The following CHD9 variants were observed in gnomAD, a reference collection of about 807,000 sequenced individuals.
CHD9 encodes the protein ATP-dependent chromatin remodeler CHD9.
In CHD9, 77 loss-of-function variants were observed where a neutral mutation model predicts 316.1. The ratio of observed to expected loss-of-function variants is 0.24; its 90% confidence interval spans 0.20 to 0.29. CHD9 has a LOEUF of 0.29. CHD9 is among the 10% of genes least tolerant of loss of function. The pLI is 1.00. For synonymous variants in CHD9, 1,129 were observed against 1,158.3 expected (o/e 0.97, Z 0.51); for missense variants, 2,763 against 3,438.1 (o/e 0.80, Z 4.91).
chr16:53,077,398 A>G (rs2034628279), intron 1 of CHD9, among the ~76,000 whole-genome samples: 1 of 151,254 alleles, frequency 6.6e-6, no homozygotes, highest in Non-Finnish European at 1.5e-5. Flanking sequence ...ATCTCGGCTC[A>G]CTGAAAGCTC....
intron 2 of CHD9, among the ~76,000 whole-genome samples, chr16:53,173,890 A>T (rs1206896623): frequency 6.6e-6 from 1 of 151,954 alleles, no homozygotes; most frequent in Non-Finnish European, 1.5e-5. Flanking sequence ...CATCATTAAG[A>T]TCTTTCTTCT....
chr16:53,056,680 C>T (rs1335034876), intron 1 of CHD9, among the ~76,000 whole-genome samples: 3 of 152,220 alleles, frequency 2.0e-5, no homozygotes, highest in Non-Finnish European at 4.4e-5. Flanking sequence ...GCTATCACTG[C>T]TGTGAGCTGA....
chr16:53,327,369 G>C lies in CHD9; in HGVS notation c.*2474G>C, dbSNP rs776935976. The C allele has an allele frequency of 6.6e-6, 1 of 152,426 alleles. No homozygotes were observed. The highest frequency in any genetic ancestry group is 1.5e-5 in the Non-Finnish European group (1 of 67,962). The allele number at this position is 152,426 out of a possible 1,614,324, so 9.4% of individuals were successfully genotyped here. A position where few individuals can be genotyped will look rare whatever the true frequency, so the allele number is the denominator to read the frequency against. On this transcript the variant is annotated 3_prime_UTR_variant, in exon 39 of 39. Coordinates refer to ENST00000447540, the MANE Select transcript of CHD9 (RefSeq NM_001308319.2). ...TTACCAGTTGTGTTTTGTGTAGTCT[G>C]AATTTGCTTTCTGTAGTTGAGCAAA...
chr16:53,156,731 A>T lies in CHD9; in HGVS notation c.642A>T (p.Pro214=). Residue 214 remains proline, a synonymous_variant, in exon 2 of 39, where the codon CCA becomes CCT. Coordinates refer to ENST00000447540, the MANE Select transcript of CHD9 (RefSeq NM_001308319.2). ...ATAGAGTCAATGTTAACCACCCACC[A>T]CAGATGACTAATGCATCTAATTCAC... is the stretch of plus-strand genomic sequence containing the variant. The part of the protein sequence containing the change: ...GPHRVNVNHP[P]QMTNASNSQQ... 2 of 1,613,864 alleles carry T rather than the reference A, an allele frequency of 1.2e-6. No homozygotes were observed. Among genetic ancestry groups the T allele is most frequent in the African/African-American group, 1.3e-5 (1 of 75,050 alleles).
intron 2 of CHD9, among the ~76,000 whole-genome samples, chr16:53,174,182 G>A (rs2042958826): frequency 6.6e-6 from 1 of 152,160 alleles, no homozygotes; most frequent in Non-Finnish European, 1.5e-5. Flanking sequence ...TCCTCAGGTG[G>A]CTGAGGTGAG....
intron 10 of CHD9, among the ~76,000 whole-genome samples, chr16:53,234,128 A>G (rs929783565): frequency 1.3e-5 from 2 of 152,154 alleles, no homozygotes; most frequent in African/African-American, 4.8e-5. Context: ...TTTGGATGCT[A>G]TTATAAAATG....
At chr16:53,192,860 T>C (rs1858283056) in intron 2 of CHD9, among the ~76,000 whole-genome samples, 2 of 152,334 alleles carry the variant, frequency 1.3e-5, no homozygotes, top group Admixed American at 1.3e-4. Flanking sequence ...CACAAATTGT[T>C]TATGTATTCA....
At chr16:53,058,911 T>C (rs1028813986) in intron 1 of CHD9, among the ~76,000 whole-genome samples, 2 of 152,188 alleles carry the variant, frequency 1.3e-5, no homozygotes, top group Admixed American at 6.5e-5. Flanking sequence ...CCATGCCTCC[T>C]GTAGTGGTAT....
At chr16:53,133,964 T>C (rs189559504) in intron 1 of CHD9, among the ~76,000 whole-genome samples, 1 of 152,214 alleles carries the variant, frequency 6.6e-6, no homozygotes, top group African/African-American at 2.4e-5. Context: ...CATCTATCAA[T>C]AGTAAAACAA....
intron 1 of CHD9, among the ~76,000 whole-genome samples, chr16:53,067,336 T>G (rs938699514): frequency 6.6e-6 from 1 of 152,244 alleles, no homozygotes; most frequent in African/African-American, 2.4e-5. Flanking sequence ...AACCTGATAT[T>G]GATACATTAT....
intron 1 of CHD9, among the ~76,000 whole-genome samples, chr16:53,103,842 A>G (rs958799265): frequency 4.6e-5 from 7 of 152,198 alleles, no homozygotes; most frequent in Non-Finnish European, 1.0e-4. Flanking sequence ...AAGGTGAGTA[A>G]GGCAGCTTTT....
chr16:53,172,971 G>A (rs999931471), intron 2 of CHD9, among the ~76,000 whole-genome samples: 5 of 151,920 alleles, frequency 3.3e-5, no homozygotes, highest in Non-Finnish European at 7.4e-5. Context: ...TTAACAGCAT[G>A]TTTTGAAGGG....
chr16:53,207,444 TTAG>T (rs2045975277), intron 2 of CHD9, among the ~76,000 whole-genome samples: 1 of 152,230 alleles, frequency 6.6e-6, no homozygotes. Context: ...TTTAACATTG[TTAG>T]TAATCTTTAT....
chr16:53,118,446 A>G (rs1040381139), intron 1 of CHD9, among the ~76,000 whole-genome samples: 35 of 152,164 alleles, frequency 2.3e-4, no homozygotes, highest in African/African-American at 7.5e-4. Context: ...GTTTCCACTT[A>G]AGACTTTTGC....
intron 1 of CHD9, among the ~76,000 whole-genome samples, chr16:53,125,397 T>A (rs2038930491): frequency 6.6e-6 from 1 of 151,934 alleles, no homozygotes; most frequent in Non-Finnish European, 1.5e-5. Flanking sequence ...CTATTTTTTG[T>A]ATTTTTAGTA....
chr16:53,225,950 T>G (rs2047618154), intron 4 of CHD9, among the ~76,000 whole-genome samples: 1 of 152,056 alleles, frequency 6.6e-6, no homozygotes, highest in Middle Eastern at 3.2e-3. Flanking sequence ...ATTGCCCAAG[T>G]TATGACATAG....
In CHD9 at chr16:53,292,926, C is replaced by T. The variant is rs769274031; in HGVS notation, c.5384C>T (p.Thr1795Ile). The T allele has an allele frequency of 1.2e-6, 2 of 1,613,578 alleles. No individual in the cohort carries two copies. Among genetic ancestry groups the T allele is most frequent in the Non-Finnish European group, 1.7e-6 (2 of 1,179,788 alleles). The change falls in exon 29 of 39, where the codon ACT (threonine) becomes ATT (isoleucine). Residue 1795 changes from threonine (T) to isoleucine (I), a missense_variant. Coordinates refer to ENST00000447540, the MANE Select transcript of CHD9 (RefSeq NM_001308319.2). Reference protein sequence around the residue: ...LRRLITAYQRTNKNRQIQQIQ... With the variant: ...LRRLITAYQRINKNRQIQQIQ... ...CGTCTCATCACTGCATACCAGCGTA[C>T]TAATAAAAACAGACAAATTCAGCAG...
intron 26 of CHD9, among the ~76,000 whole-genome samples, chr16:53,286,890 G>T (rs2053924318): frequency 6.6e-6 from 1 of 151,936 alleles, no homozygotes; most frequent in African/African-American, 2.4e-5. Flanking sequence ...GTAAATAGTT[G>T]CTATACTGAA....
At chr16:53,243,761 G>A (rs925895979) in intron 13 of CHD9, among the ~76,000 whole-genome samples, 1 of 152,102 alleles carries the variant, frequency 6.6e-6, no homozygotes, top group Admixed American at 6.5e-5. Flanking sequence ...ATTAATAGTG[G>A]GATTTCTTAT....
Sources: gnomAD v4.1 joint callset for allele counts (sites outside exome capture counted in the v4.1 genomes callset) on GRCh38, gnomAD v4.1.1 for gene constraint, MANE v1.5 for transcripts, NCBI Gene and HGNC (gene_info 2026-07-23, HGNC 2026-07-21) for gene names.